The following PCDHGA4 variants were observed in gnomAD, a reference collection of about 807,000 sequenced individuals.
PCDHGA4 encodes the protein protocadherin gamma subfamily A, 4, also known as protocadherin gamma-A4.
Under a neutral mutation model 54.6 loss-of-function variants are expected in PCDHGA4, and 38 were observed. The observed-to-expected ratio is 0.70, with a 90% CI of 0.54 to 0.91. The LOEUF (loss-of-function observed/expected upper bound fraction) is 0.91, where lower values mean the gene tolerates loss of function less well. Among genes scored for constraint, PCDHGA4 ranks in the 40% least tolerant of loss-of-function variants. The probability of loss-of-function intolerance (pLI) is 0.00; values close to 1 mark genes in which losing one functional copy is unlikely to be tolerated. For missense variants in PCDHGA4, 1,298 were observed against 1,220.9 expected (o/e 1.06, Z -0.94); for synonymous variants, 511 against 512.9 (o/e 1.00, Z 0.05).
chr5:141,368,108 T>C (rs1244869694), intron 1 of PCDHGA4, among the ~76,000 whole-genome samples: 1 of 152,216 alleles, frequency 6.6e-6, no homozygotes, highest in African/African-American at 2.4e-5. Context: ...TTCAGATGTT[T>C]CTTATTAAAA....
At chr5:141,459,806 A>G (rs2154566682) in intron 1 of PCDHGA4, among the ~76,000 whole-genome samples, 1 of 152,342 alleles carries the variant, frequency 6.6e-6, no homozygotes, top group African/African-American at 2.4e-5. Flanking sequence ...CCTGTTGACT[A>G]GAGACACTGA....
In PCDHGA4 at chr5:141,477,018, C is replaced by T. The variant is rs2099403540; in HGVS notation, c.2515-17789C>T. The T allele has an allele frequency of 3.1e-6, 5 of 1,614,262 alleles. No homozygotes were observed. Among genetic ancestry groups the T allele is most frequent in the Non-Finnish European group, 4.2e-6 (5 of 1,180,048 alleles). ...CAACTATTCGCCTTAGACCTTGTAA[C>T]CGGGATGCTGACAATCAAGGGTCGG... On this transcript the variant is annotated intron_variant, in intron 1 of 3. Coordinates refer to ENST00000571252, the MANE Select transcript of PCDHGA4 (RefSeq NM_018917.4). The surrounding 1 kb of genome is among the most constrained non-coding windows in gnomAD (Gnocchi z 4.9).
chr5:141,370,870 A>G (rs778903328), intron 1 of PCDHGA4: 1 of 1,614,030 alleles, frequency 6.2e-7, no homozygotes, highest in African/African-American at 1.3e-5. Flanking sequence ...TCTGCGCAAG[A>G]TCCTGATGTA....
intron 1 of PCDHGA4, chr5:141,399,027 A>G (rs1427563902): frequency 6.2e-7 from 1 of 1,613,788 alleles, no homozygotes; most frequent in Non-Finnish European, 8.5e-7. Context: ...TTACCACTCA[A>G]AAGAAACTGG....
At chr5:141,384,897 C>T in intron 1 of PCDHGA4, 4 of 1,613,922 alleles carry the variant, frequency 2.5e-6, no homozygotes, top group Non-Finnish European at 3.4e-6. Context: ...CTGTGGCTGA[C>T]AGCATCCCCG....
At chr5:141,430,947 G>T (rs1169662602) in intron 1 of PCDHGA4, 1 of 1,610,002 alleles carries the variant, frequency 6.2e-7, no homozygotes, top group Non-Finnish European at 8.5e-7. Flanking sequence ...GCGGAGCGCG[G>T]AGTCCGCATC....
chr5:141,393,274 T>G (rs747983531), intron 1 of PCDHGA4: 11 of 1,613,952 alleles, frequency 6.8e-6, no homozygotes, highest in Non-Finnish European at 9.3e-6. Flanking sequence ...CGTTATCCAC[T>G]CCCAGAAGCT....
chr5:141,470,538 A>G (rs2099232733), intron 1 of PCDHGA4, among the ~76,000 whole-genome samples: 1 of 152,140 alleles, frequency 6.6e-6, no homozygotes, highest in African/African-American at 2.4e-5. Context: ...GTATCAGGTA[A>G]TATTTATTGA....
chr5:141,360,642 A>T (rs1268181436), intron 1 of PCDHGA4: 2 of 1,613,916 alleles, frequency 1.2e-6, no homozygotes, highest in Admixed American at 3.3e-5. Context: ...CACTACAAAG[A>T]TACCACCTTA....
rs547854431 is a variant in PCDHGA4, at chr5:141,476,383, C to A, written c.2515-18424C>A. 1.2e-6 allele frequency: 2 copies of A among 1,614,102 alleles called. No homozygotes were observed. Among genetic ancestry groups the A allele is most frequent in the African/African-American group, 1.3e-5 (1 of 75,014 alleles). On this transcript the variant is annotated intron_variant, in intron 1 of 3. Transcript: ENST00000571252. The surrounding 1 kb of genome is among the most constrained non-coding windows in gnomAD (Gnocchi z 7.6). ...GGGAGACCGGAGAGATGTTTGTGAA[C>A]GACCGTCTGGATCGAGAGGAGCTGT...
intron 1 of PCDHGA4, chr5:141,365,429 G>A (rs781264093): frequency 1.2e-6 from 2 of 1,613,990 alleles, no homozygotes; most frequent in East Asian, 2.2e-5. Flanking sequence ...AACTGTAATC[G>A]CGCTGTTTAG....
At chr5:141,434,392 C>T (rs906051301) in intron 1 of PCDHGA4, among the ~76,000 whole-genome samples, 4 of 152,210 alleles carry the variant, frequency 2.6e-5, no homozygotes, top group African/African-American at 9.6e-5. Context: ...TGGCCATAAA[C>T]AAAATCTCTG....
At position 141,431,848 on chromosome 5, in the gene PCDHGA4, G is replaced by A. The variant is rs747401379; in HGVS notation, c.2515-62959G>A. 11 of 1,614,142 alleles carry A rather than the reference G, an allele frequency of 6.8e-6. No homozygotes were observed. The highest frequency in any genetic ancestry group is 2.2e-5 in the East Asian group (1 of 44,906). On this transcript the variant is annotated intron_variant, in intron 1 of 3. Coordinates refer to ENST00000571252, the MANE Select transcript of PCDHGA4 (RefSeq NM_018917.4). The surrounding 1 kb of genome is among the most constrained non-coding windows in gnomAD (Gnocchi z 4.8). ...CGGTTCCCGAAAACTCTCCCAGAGGGACATTAATTGCCCTTTTAAATGTAA... is the reference window on the plus strand; with the variant it reads ...CGGTTCCCGAAAACTCTCCCAGAGGAACATTAATTGCCCTTTTAAATGTAA...
chr5:141,408,717 T>C lies in PCDHGA4; in HGVS notation c.2514+51096T>C, dbSNP rs774691298. ...ATAAACTCAATTAAAGATTATAAGA[T>C]AAACTCTAATCCTTATTTTTCATTA... is the stretch of plus-strand genomic sequence containing the variant. On this transcript the variant is annotated intron_variant, in intron 1 of 3. Transcript: ENST00000571252. The C allele has an allele frequency of 1.9e-6, 3 of 1,611,662 alleles. No individual in the cohort carries two copies. In the South Asian group the frequency reaches 3.3e-5, roughly 18 times the overall value.
Position 141,432,298 on chromosome 5 carries a change from A to T in PCDHGA4, c.2515-62509A>T. Reference sequence around the variant, plus strand: ...TGTCCATCAACTCCGACACTGGGGTACTGTATGCGCTGAGCTCCTTCGACT... The same window carrying T: ...TGTCCATCAACTCCGACACTGGGGTTCTGTATGCGCTGAGCTCCTTCGACT... On this transcript the variant is annotated intron_variant, in intron 1 of 3. Transcript: ENST00000571252. The surrounding 1 kb of genome is among the most constrained non-coding windows in gnomAD (Gnocchi z 6.0). The T allele has an allele frequency of 6.2e-7, 1 of 1,614,236 alleles. No homozygotes were observed. Among genetic ancestry groups the T allele is most frequent in the Non-Finnish European group, 8.5e-7 (1 of 1,180,036 alleles).
chr5:141,418,738 T>G lies in PCDHGA4; in HGVS notation c.2514+61117T>G, dbSNP rs781221446. 4.3e-6 allele frequency: 7 copies of G among 1,613,964 alleles called. No homozygotes were observed. In the South Asian group the frequency reaches 6.6e-5, roughly 15 times the overall value. On this transcript the variant is annotated intron_variant, in intron 1 of 3. Transcript: ENST00000571252. ...CTGACAAAGCTCAGCACGTGTTCTC[T>G]CTGGATTACACTACAGGAAACATTC...
At chr5:141,383,304 G>A (rs1779007855) in intron 1 of PCDHGA4, 1 of 1,613,918 alleles carries the variant, frequency 6.2e-7, no homozygotes, top group Non-Finnish European at 8.5e-7. Context: ...GATTCTTGAC[G>A]GAAGAAATAA....
chr5:141,497,544 T>C (rs1410779650), intron 2 of PCDHGA4, among the ~76,000 whole-genome samples: 4 of 150,796 alleles, frequency 2.7e-5, no homozygotes, highest in African/African-American at 9.8e-5. Flanking sequence ...ACAAACCTTT[T>C]TTTTTTTTTT....
intron 1 of PCDHGA4, among the ~76,000 whole-genome samples, chr5:141,457,343 T>C (rs1372992422): frequency 6.6e-6 from 1 of 152,240 alleles, no homozygotes; most frequent in African/African-American, 2.4e-5. Flanking sequence ...TTACTTACTT[T>C]CATTACCTGG....
Sources: gnomAD v4.1 joint callset for allele counts (sites outside exome capture counted in the v4.1 genomes callset) on GRCh38, gnomAD v4.1.1 for gene constraint, Gnocchi (gnomAD v3.1) non-coding constraint, MANE v1.5 for transcripts, NCBI Gene and HGNC (gene_info 2026-07-23, HGNC 2026-07-21) for gene names.